The following SORCS2 variants were observed in gnomAD, a reference collection of about 807,000 sequenced individuals.
SORCS2 encodes sortilin related VPS10 domain containing receptor 2.
Under a neutral mutation model 141.6 loss-of-function variants are expected in SORCS2, and 100 were observed. The ratio of observed to expected loss-of-function variants is 0.71; its 90% confidence interval spans 0.60 to 0.83. The LOEUF (loss-of-function observed/expected upper bound fraction) is 0.83, where lower values mean the gene tolerates loss of function less well. Ranked by LOEUF, SORCS2 falls within the 40% of genes least tolerant of loss-of-function variation. The probability of loss-of-function intolerance (pLI) is 0.00; values close to 1 mark genes in which losing one functional copy is unlikely to be tolerated. For synonymous variants in SORCS2, 789 were observed against 676.9 expected (o/e 1.17, Z -2.57); for missense variants, 1,646 against 1,560.2 (o/e 1.05, Z -0.93).
At chr4:7,407,930 A>C (rs1407656679) in intron 2 of SORCS2, among the ~76,000 whole-genome samples, 1 of 133,634 alleles carries the variant, frequency 7.5e-6, no homozygotes, top group East Asian at 2.1e-4. Context: ...ATCACAAAGA[A>C]AAGAATAGAA....
chr4:7,714,293 G>T lies in SORCS2; in HGVS notation c.2043G>T (p.Thr681=), dbSNP rs773340532. 6.2e-7 allele frequency: 1 copy of T among 1,607,212 alleles called. No individual in the cohort carries two copies. The highest frequency in any genetic ancestry group is 8.5e-7 in the Non-Finnish European group (1 of 1,176,994). Residue 681 remains threonine (T), a synonymous_variant, in exon 16 of 27, where the codon ACG becomes ACT. Transcript: ENST00000507866. ...GAAGTTTCCGGAAAAGAAAGTCCACGTCCTGGTGCATCAAGGGGAGGAGCT... is the reference window on the plus strand; with the variant it reads ...GAAGTTTCCGGAAAAGAAAGTCCACTTCCTGGTGCATCAAGGGGAGGAGCT... ...QQRSFRKRKS[T]SWCIKGRSFT...
intron 1 of SORCS2, among the ~76,000 whole-genome samples, chr4:7,246,867 C>T (rs1385369035): frequency 3.3e-5 from 5 of 152,254 alleles, no homozygotes; most frequent in African/African-American, 1.2e-4. Context: ...CCACCAGCAA[C>T]TCTCCACCTC....
intron 1 of SORCS2, among the ~76,000 whole-genome samples, chr4:7,275,006 C>T (rs1369002622): frequency 6.6e-6 from 1 of 152,204 alleles, no homozygotes; most frequent in Non-Finnish European, 1.5e-5. Flanking sequence ...AGCACCTGGG[C>T]TGTCACCACC....
chr4:7,244,241 C>T (rs547098493), intron 1 of SORCS2, among the ~76,000 whole-genome samples: 3 of 152,318 alleles, frequency 2.0e-5, no homozygotes, highest in East Asian at 3.9e-4. Context: ...AGCAGCACTG[C>T]GAAGGCTTCT....
At chr4:7,602,925 A>G (rs1165534098) in intron 3 of SORCS2, among the ~76,000 whole-genome samples, 1 of 152,248 alleles carries the variant, frequency 6.6e-6, no homozygotes, top group Non-Finnish European at 1.5e-5. Context: ...GGGAGGCCGA[A>G]GCTGGCAGAT....
chr4:7,733,348 G>T lies in SORCS2; in HGVS notation c.3135G>T (p.Leu1045=). Residue 1045 remains leucine, a synonymous_variant, in exon 24 of 27, where the codon CTG becomes CTT. Transcript: ENST00000507866. The part of the protein sequence containing the change: ...DKRLAAIQQV[L]NAQKISFLLR... ...GGCTCGCCGCCATCCAGCAGGTGCT[G>T]AACGCACAGAAGATCAGCTTCCTCC... The T allele has an allele frequency of 1.3e-6, 2 of 1,568,976 alleles. No individual in the cohort carries two copies. Among genetic ancestry groups the T allele is most frequent in the Non-Finnish European group, 1.7e-6 (2 of 1,158,666 alleles).
At chr4:7,610,226 G>A (rs930402169) in intron 3 of SORCS2, among the ~76,000 whole-genome samples, 6 of 152,182 alleles carry the variant, frequency 3.9e-5, no homozygotes, top group African/African-American at 1.4e-4. Context: ...TGTTGGAGAG[G>A]GACTTTGTGG....
At chr4:7,545,377 G>GA (rs1713175668) in intron 3 of SORCS2, among the ~76,000 whole-genome samples, 1 of 152,182 alleles carries the variant, frequency 6.6e-6, no homozygotes, top group Admixed American at 6.5e-5. Flanking sequence ...CAAGTGCTCT[G>GA]GGGACCCACC....
intron 4 of SORCS2, among the ~76,000 whole-genome samples, chr4:7,643,467 G>T (rs1577886894): frequency 6.6e-6 from 1 of 152,184 alleles, no homozygotes; most frequent in African/African-American, 2.4e-5. Context: ...CACTTCTTCT[G>T]CTTCCCAGCA....
In SORCS2 at chr4:7,682,745, C is replaced by T; in HGVS notation, c.1344C>T (p.Val448=). Residue 448 remains valine, a splice_region_variant and synonymous_variant, in exon 10 of 27, where the codon GTC becomes GTT. Coordinates refer to ENST00000507866, the MANE Select transcript of SORCS2 (RefSeq NM_020777.3). ...TCCTTCTTTTATTTTTGTCCCAGGT[C>T]AGAGGGGTGAAAGGAGTCTTCCTGG... ...EESVLIDILE[V]RGVKGVFLAN... 1 of 1,608,428 alleles carries T rather than the reference C, an allele frequency of 6.2e-7. No homozygotes were observed. The highest frequency in any genetic ancestry group is 1.1e-5 in the South Asian group (1 of 89,712).
At chr4:7,194,094 G>T (rs527891524) in intron 1 of SORCS2, among the ~76,000 whole-genome samples, 93 of 152,270 alleles carry the variant, frequency 6.1e-4, no homozygotes, top group African/African-American at 2.1e-3. Flanking sequence ...AGTTTTGCAG[G>T]TTCCAGAGAA....
intron 1 of SORCS2, among the ~76,000 whole-genome samples, chr4:7,357,311 G>A (rs1013357229): frequency 1.3e-5 from 2 of 152,160 alleles, no homozygotes; most frequent in African/African-American, 4.8e-5. Flanking sequence ...TGACCAGATC[G>A]ACATGACCAG....
intron 5 of SORCS2, among the ~76,000 whole-genome samples, chr4:7,658,367 C>T (rs1721942171): frequency 6.6e-6 from 1 of 151,002 alleles, no homozygotes; most frequent in African/African-American, 2.4e-5. Context: ...AGCCTGTGCC[C>T]CAGGTGTCAT....
intron 4 of SORCS2, among the ~76,000 whole-genome samples, chr4:7,644,611 C>G (rs1346676571): frequency 6.6e-6 from 1 of 152,206 alleles, no homozygotes; most frequent in African/African-American, 2.4e-5. Flanking sequence ...TTGAGTGCCA[C>G]CAATCACATC....
chr4:7,479,890 G>T lies in SORCS2; in HGVS notation c.549-51640G>T, dbSNP rs186145210. Among the ~76,000 whole-genome samples the T allele has an allele frequency of 1.1e-3, 161 of 152,394 alleles. 1 individual carries two copies. Among genetic ancestry groups the T allele is most frequent in the African/African-American group, 3.6e-3 (148 of 41,600 alleles). ...CCACGTGTGCTCTGTTAGGACTGGGGATGCTGCGATGCACAAGAAAGAGGC... is the reference window on the plus strand; with the variant it reads ...CCACGTGTGCTCTGTTAGGACTGGGTATGCTGCGATGCACAAGAAAGAGGC... On this transcript the variant is annotated intron_variant, in intron 2 of 26. Transcript: ENST00000507866.
intron 18 of SORCS2, among the ~76,000 whole-genome samples, chr4:7,719,063 C>A (rs972905141): frequency 6.6e-5 from 10 of 152,234 alleles, no homozygotes; most frequent in Admixed American, 6.5e-4. Context: ...AGGGTGAGCG[C>A]CTAGGACCCT....
chr4:7,592,422 T>C (rs1308678029), intron 3 of SORCS2, among the ~76,000 whole-genome samples: 1 of 152,198 alleles, frequency 6.6e-6, no homozygotes, highest in African/African-American at 2.4e-5. Context: ...GTGGACAGCA[T>C]GACCAGTGCT....
At chr4:7,435,761 G>A (rs978402511) in intron 2 of SORCS2, among the ~76,000 whole-genome samples, 3 of 152,258 alleles carry the variant, frequency 2.0e-5, no homozygotes, top group African/African-American at 7.2e-5. Flanking sequence ...AAGAGAGTCA[G>A]CTGGGTGAGC....
Position 7,318,661 on chromosome 4 carries a change from C to T in SORCS2, c.481-77627C>T, listed in dbSNP as rs116081906. On this transcript the variant is annotated intron_variant, in intron 1 of 26. Coordinates refer to ENST00000507866, the MANE Select transcript of SORCS2 (RefSeq NM_020777.3). ...GCATGGCTAGTACTGTCTCAATCAT[C>T]GCAGCTACTCAGCTGTTACCCACAC... Among the ~76,000 whole-genome samples, 909 of 152,324 alleles carry T rather than the reference C, an allele frequency of 6.0e-3. 3 individuals are homozygous for T. Among genetic ancestry groups the T allele is most frequent in the Admixed American group, 0.011 (171 of 15,306 alleles).
Sources: gnomAD v4.1 joint callset for allele counts (sites outside exome capture counted in the v4.1 genomes callset) on GRCh38, gnomAD v4.1.1 for gene constraint, MANE v1.5 for transcripts, NCBI Gene and HGNC (gene_info 2026-07-23, HGNC 2026-07-21) for gene names.